HERC1: variants seen among roughly 807,000 people sequenced by gnomAD.
The protein encoded by HERC1 is HECT and RLD domain containing E3 ubiquitin protein ligase family member 1.
In HERC1, 160 loss-of-function variants were observed where a neutral mutation model predicts 554.3. The observed-to-expected ratio is 0.29, with a 90% confidence interval of 0.25 to 0.33. The LOEUF (loss-of-function observed/expected upper bound fraction) is 0.33. Among genes scored for constraint, HERC1 ranks in the 10% least tolerant of loss-of-function variants. HERC1 has a pLI of 1.00. For synonymous variants in HERC1, 2,175 were observed against 2,131.7 expected (o/e 1.02, Z -0.56); for missense variants, 4,919 against 5,918.5 (o/e 0.83, Z 5.54).
chr15:63,672,526 G>A lies in HERC1; in HGVS notation c.8015C>T (p.Ser2672Phe), dbSNP rs368217073. ...TDTETVPASE[S>F]PGVMPLSLLR... ...AAGACTAAGAGGCATCACTCCCGGG[G>A]ACTCGGATGCAGGCACTGTTTCTGT... is the stretch of plus-strand genomic sequence containing the variant. Residue 2672 changes from serine (S) to phenylalanine (F), a missense_variant, in exon 39 of 78, where the codon TCC (serine) becomes TTC (phenylalanine). This residue lies in a region of HERC1 where 1,963 missense variants were observed against 2,228.6 expected (regional missense o/e 0.88). Coordinates refer to ENST00000443617, the MANE Select transcript of HERC1 (RefSeq NM_003922.4). The A allele has an allele frequency of 6.2e-7, 1 of 1,603,654 alleles. No individual in the cohort carries two copies. Among genetic ancestry groups the A allele is most frequent in the Non-Finnish European group, 8.5e-7 (1 of 1,175,012 alleles).
chr15:63,747,906 T>G (rs1266566525), intron 10 of HERC1, 48 bp from the exon 11 acceptor site: 21 of 1,503,088 alleles, frequency 1.4e-5, no homozygotes, highest in Non-Finnish European at 1.6e-5. Flanking sequence ...AAATGAAATT[T>G]TTATGCACGA....
In HERC1 at chr15:63,630,609, GC is replaced by G; in HGVS notation, c.12822del (p.Arg4275ValfsTer17). On this transcript the variant is annotated frameshift_variant, in exon 69 of 78. Coordinates refer to ENST00000443617, the MANE Select transcript of HERC1 (RefSeq NM_003922.4). LOFTEE classifies it high-confidence loss of function. Reference sequence around the variant, plus strand: ...TGCGGTCGATTGTGATTGCGAGCACGCCCCTCTGGCAAGCCTATCAGGCGAT... The same window carrying G: ...TGCGGTCGATTGTGATTGCGAGCACGCCCTCTGGCAAGCCTATCAGGCGAT... ...GQDRLIGLPE[G>X]RARNHNRPQQ... The G allele has an allele frequency of 6.2e-7, 1 of 1,612,644 alleles. No homozygotes were observed. The highest frequency in any genetic ancestry group is 8.5e-7 in the Non-Finnish European group (1 of 1,179,394).
Position 63,678,185 on chromosome 15 carries a change from T to G in HERC1, c.6730A>C (p.Ile2244Leu). 2 of 1,613,976 alleles carry G rather than the reference T, an allele frequency of 1.2e-6. No homozygotes were observed. The highest frequency in any genetic ancestry group is 1.7e-6 in the Non-Finnish European group (2 of 1,179,876). The part of the protein sequence containing the change: ...NKKMMERLHK[I>L]KICIKESGQK... ...CCTGACTCTTTAATACATATCTTAA[T>G]TTTGTGAAGCCTTTCCATCATTTTT... Residue 2244 changes from isoleucine to leucine, a missense_variant, in exon 37 of 78, where the codon ATT (isoleucine) becomes CTT (leucine). This residue lies in a region of HERC1 where 1,963 missense variants were observed against 2,228.6 expected (regional missense o/e 0.88). Transcript: ENST00000443617.
Position 63,723,161 on chromosome 15 carries a change from CCTTTATCTT to C in HERC1, c.3742+12_3742+20del, listed in dbSNP as rs1463265352. 3 of 1,380,952 alleles carry C rather than the reference CCTTTATCTT, an allele frequency of 2.2e-6. No homozygotes were observed. The highest frequency in any genetic ancestry group is 2.8e-6 in the Non-Finnish European group (3 of 1,053,762). 85.5% of individuals were successfully genotyped at this position (1,380,952 alleles called of 1,614,324 possible). ...TTATGAGCTAACTACAAATTTACTC[CCTTTATCTT>C]CTTTATCTTACCTTTACTAACAGCA... On this transcript the variant is annotated intron_variant, in intron 19 of 77. Transcript: ENST00000443617.
chr15:63,716,027 C>G (rs569325268), intron 22 of HERC1, among the ~76,000 whole-genome samples: 14 of 152,276 alleles, frequency 9.2e-5, no homozygotes, highest in African/African-American at 3.1e-4. Flanking sequence ...TCTGATGACT[C>G]ATGAGTTTCA....
intron 74 of HERC1, among the ~76,000 whole-genome samples, chr15:63,619,094 C>T (rs2067953058): frequency 6.6e-6 from 1 of 152,174 alleles, no homozygotes; most frequent in African/African-American, 2.4e-5. Flanking sequence ...GGGAATGCTT[C>T]CAGTTTTTGC....
rs563814040 is a variant in HERC1, at chr15:63,609,783, G to A, written c.14401-517C>T. On this transcript the variant is annotated intron_variant, in intron 77 of 77. Coordinates refer to ENST00000443617, the MANE Select transcript of HERC1 (RefSeq NM_003922.4). ...CCTTTGCAGGCGCCATGGCTGCCTC[G>A]CACAGCTCACATAAGGAAGGGGCAG... Among the ~76,000 whole-genome samples, 7 of 152,230 alleles carry A rather than the reference G, an allele frequency of 4.6e-5. No homozygotes were observed. The South Asian group carries it at 6.2e-4, about 14-fold the overall frequency.
chr15:63,687,823 AC>A (rs1464199591), intron 33 of HERC1, among the ~76,000 whole-genome samples: 1 of 152,228 alleles, frequency 6.6e-6, no homozygotes, highest in African/African-American at 2.4e-5. Flanking sequence ...GATAACTGAG[AC>A]CTGAATGACA....
chr15:63,809,595 T>C (rs772083960), intron 1 of HERC1, among the ~76,000 whole-genome samples: 40 of 151,902 alleles, frequency 2.6e-4, no homozygotes, highest in Admixed American at 5.2e-4. Flanking sequence ...AAAAGTTGAG[T>C]TGAGAAATAT....
Position 63,747,861 on chromosome 15 carries a change from A to G in HERC1, c.2220-3T>C. Reference sequence around the variant, plus strand: ...GTCGGTGCCATGCAACAACTTGTCTAGAAGGACACATAAGAAAATAATAAA... The same window carrying G: ...GTCGGTGCCATGCAACAACTTGTCTGGAAGGACACATAAGAAAATAATAAA... On this transcript the variant is annotated splice_region_variant and splice_polypyrimidine_tract_variant and intron_variant, in intron 10 of 77. Transcript: ENST00000443617. 1 of 1,538,108 alleles carries G rather than the reference A, an allele frequency of 6.5e-7. No homozygotes were observed. Among genetic ancestry groups the G allele is most frequent in the Non-Finnish European group, 8.8e-7 (1 of 1,142,200 alleles).
chr15:63,833,749 G>GCACACACACACACACACACACACACACA (rs1206350552), intron 1 of HERC1, 78 bp downstream of exon 1: 1 of 28,460 alleles, frequency 3.5e-5, no homozygotes, highest in African/African-American at 1.3e-4. Context: ...ACACACGCGC[G>GCACACACACACACACACACACACACACA]CGCGCACACA....
At chr15:63,640,797 C>T (rs1423837860) in intron 60 of HERC1, among the ~76,000 whole-genome samples, 1 of 152,170 alleles carries the variant, frequency 6.6e-6, no homozygotes, top group African/African-American at 2.4e-5. Context: ...TAAGCTATCA[C>T]ACTGCATATA....
At chr15:63,709,744 T>C (rs759283588) in intron 24 of HERC1, among the ~76,000 whole-genome samples, 1 of 152,218 alleles carries the variant, frequency 6.6e-6, no homozygotes, top group Non-Finnish European at 1.5e-5. Flanking sequence ...GTGTAGGAGA[T>C]ATCAGGGGCA....
intron 14 of HERC1, among the ~76,000 whole-genome samples, chr15:63,730,848 T>C (rs1027571181): frequency 2.6e-5 from 4 of 152,184 alleles, no homozygotes; most frequent in African/African-American, 9.6e-5. Context: ...TTTAAATTAC[T>C]TCAAGTTAAA....
At chr15:63,683,389 CAG>C (rs997985958) in intron 34 of HERC1, among the ~76,000 whole-genome samples, 2 of 152,010 alleles carry the variant, frequency 1.3e-5, no homozygotes, top group African/African-American at 4.8e-5. Flanking sequence ...TCTGGGAAAA[CAG>C]AGATAAAATA....
Position 63,609,270 on chromosome 15 carries a change from T to C in HERC1, c.14401-4A>G. The C allele has an allele frequency of 3.7e-6, 6 of 1,603,550 alleles. No homozygotes were observed. The highest frequency in any genetic ancestry group is 5.1e-6 in the Non-Finnish European group (6 of 1,173,982). ...AGGTAGGCAGACTGTCGTAAGGCTG[T>C]GGAGAGAGACCCAGAGCCGTGACTG... On this transcript the variant is annotated splice_polypyrimidine_tract_variant and splice_region_variant and intron_variant, in intron 77 of 77. Transcript: ENST00000443617.
At chr15:63,712,754 A>G (rs2073367050) in intron 24 of HERC1, 21 bp downstream of exon 24, 10 of 1,605,968 alleles carry the variant, frequency 6.2e-6, no homozygotes, top group Non-Finnish European at 8.5e-6. Flanking sequence ...ATCTTTCTTT[A>G]CTGAATCTGG....
chr15:63,635,863 A>G, intron 65 of HERC1, 98 bp downstream of exon 65: 2 of 1,241,830 alleles, frequency 1.6e-6, no homozygotes, highest in Non-Finnish European at 2.3e-6. Context: ...ACTGTGTAAT[A>G]TATTTTTACT....
Position 63,727,940 on chromosome 15 carries a change from A to C in HERC1, c.3155-102T>G. ...TTTAGCTTGGAACTAGAGTAGACTC[A>C]TTCAACAACTCTCTGTTGAACACCT... On this transcript the variant is annotated intron_variant, in intron 16 of 77. Transcript: ENST00000443617. The surrounding 1 kb of genome is among the most constrained non-coding windows in gnomAD (Gnocchi z 4.3). 10 of 851,496 alleles carry C rather than the reference A, an allele frequency of 1.2e-5. No homozygotes were observed. Among genetic ancestry groups the C allele is most frequent in the African/African-American group, 1.7e-5 (1 of 58,736 alleles). 52.7% of individuals were successfully genotyped at this position (851,496 alleles called of 1,614,324 possible). A position where few individuals can be genotyped will look rare whatever the true frequency, so the allele number is the denominator to read the frequency against.
Sources: gnomAD v4.1 joint callset for allele counts (sites outside exome capture counted in the v4.1 genomes callset) on GRCh38, gnomAD v4.1.1 for gene constraint, gnomAD v4.1.1 regional missense constraint, Gnocchi (gnomAD v3.1) non-coding constraint, MANE v1.5 for transcripts, NCBI Gene and HGNC (gene_info 2026-07-23, HGNC 2026-07-21) for gene names.